Variants in HS3ST4 observed in about 807,000 individuals in gnomAD.
The protein encoded by HS3ST4 is heparan sulfate glucosamine 3-O-sulfotransferase 4.
In HS3ST4, 17 loss-of-function variants were observed where a neutral mutation model predicts 29.2. That is an observed-to-expected ratio of 0.58 (90% CI 0.40 to 0.87). HS3ST4 has a LOEUF of 0.87. Ranked by LOEUF, HS3ST4 falls within the 40% of genes least tolerant of loss-of-function variation. The pLI, the probability that HS3ST4 is intolerant of heterozygous loss-of-function variation, is 0.00. For synonymous variants in HS3ST4, 314 were observed against 285.7 expected, an observed-to-expected ratio of 1.10 and a Z score of -1.00; for missense variants, 627 against 634.5, an observed-to-expected ratio of 0.99 and a Z score of 0.13.
chr16:25,952,171 G>T (rs899645836), intron 1 of HS3ST4, among the ~76,000 whole-genome samples: 1 of 152,158 alleles, frequency 6.6e-6, no homozygotes. Context: ...GAGACAGCAT[G>T]AGTCATAAAG....
intron 1 of HS3ST4, among the ~76,000 whole-genome samples, chr16:25,761,759 G>A (rs1465703225): frequency 6.6e-6 from 1 of 152,178 alleles, no homozygotes; most frequent in Non-Finnish European, 1.5e-5. Context: ...TGCCCCACGG[G>A]CATAATAATC....
chr16:25,779,437 T>C (rs1197576068), intron 1 of HS3ST4, among the ~76,000 whole-genome samples: 3 of 152,256 alleles, frequency 2.0e-5, no homozygotes, highest in Non-Finnish European at 4.4e-5. Flanking sequence ...TTGAAGCCCA[T>C]ATTCTTTCCT....
rs138850629 is a variant in HS3ST4 at position 25,734,473 on chromosome 16, C to T, written c.734+41322C>T. 9.0e-3 allele frequency among the ~76,000 whole-genome samples: 1,370 copies of T among 152,260 alleles called. 7 individuals carry two copies. Among genetic ancestry groups the T allele is most frequent in the Non-Finnish European group, 0.016 (1,068 of 68,020 alleles). ...AGAGCTAGGACCAGCAATTAGTCCT[C>T]CTAACTCCCACCTCCAGGGTTGTCT... On this transcript the variant is annotated intron_variant, in intron 1 of 1. Coordinates refer to ENST00000331351, the MANE Select transcript of HS3ST4 (RefSeq NM_006040.3).
intron 1 of HS3ST4, among the ~76,000 whole-genome samples, chr16:25,844,671 A>G (rs1180811904): frequency 1.3e-5 from 2 of 152,204 alleles, no homozygotes; most frequent in African/African-American, 4.8e-5. Context: ...AGAACCAGAA[A>G]TACCATTTGA....
intron 1 of HS3ST4, among the ~76,000 whole-genome samples, chr16:25,874,735 G>A (rs571293266): frequency 6.6e-6 from 1 of 152,086 alleles, no homozygotes; most frequent in Non-Finnish European, 1.5e-5. Context: ...AATGTGGCTG[G>A]CATATAGTAG....
intron 1 of HS3ST4, among the ~76,000 whole-genome samples, chr16:26,122,266 T>A: frequency 6.6e-6 from 1 of 152,024 alleles, no homozygotes; most frequent in Non-Finnish European, 1.5e-5. Flanking sequence ...GTAGATTCAG[T>A]GATGATTCAA....
intron 1 of HS3ST4, among the ~76,000 whole-genome samples, chr16:25,991,815 A>T (rs1380731883): frequency 2.6e-5 from 4 of 152,096 alleles, no homozygotes. Context: ...AGGTCAGGAG[A>T]TCAAGACCAT....
intron 1 of HS3ST4, among the ~76,000 whole-genome samples, chr16:26,042,935 C>T (rs988236082): frequency 1.8e-4 from 28 of 152,096 alleles, no homozygotes; most frequent in Non-Finnish European, 3.5e-4. Context: ...CCCTTTTCCC[C>T]GGTAACCTAT....
intron 1 of HS3ST4, among the ~76,000 whole-genome samples, chr16:25,696,224 C>T (rs966888542): frequency 6.6e-6 from 1 of 152,178 alleles, no homozygotes; most frequent in African/African-American, 2.4e-5. Flanking sequence ...CCTCCATGCC[C>T]TCTTCCCTCT....
chr16:25,999,903 A>C (rs1437682503), intron 1 of HS3ST4, among the ~76,000 whole-genome samples: 1 of 135,082 alleles, frequency 7.4e-6, no homozygotes, highest in African/African-American at 2.7e-5. Context: ...TATTTTATAT[A>C]TATATATATA....
At chr16:25,827,993 C>G (rs1171623007) in intron 1 of HS3ST4, among the ~76,000 whole-genome samples, 4 of 151,420 alleles carry the variant, frequency 2.6e-5, no homozygotes, top group Non-Finnish European at 4.4e-5. Context: ...TTTTTTTTAA[C>G]TTCTATTTTA....
intron 1 of HS3ST4, among the ~76,000 whole-genome samples, chr16:26,048,048 T>C (rs956831635): frequency 6.6e-6 from 1 of 152,186 alleles, no homozygotes; most frequent in African/African-American, 2.4e-5. Context: ...TCGGCAGGGC[T>C]GGTATCTCCT....
chr16:25,724,489 G>A (rs552656095), intron 1 of HS3ST4, among the ~76,000 whole-genome samples: 9 of 151,440 alleles, frequency 5.9e-5, no homozygotes, highest in South Asian at 2.1e-4. Flanking sequence ...TCAGTCTCCC[G>A]AGTAGCTGGG....
chr16:25,969,359 C>T (rs140990041), intron 1 of HS3ST4, among the ~76,000 whole-genome samples: 235 of 152,276 alleles, frequency 1.5e-3, no homozygotes, highest in African/African-American at 5.5e-3. Context: ...TTTCTCAGAT[C>T]CTGGCCACGT....
intron 1 of HS3ST4, among the ~76,000 whole-genome samples, chr16:26,013,902 G>C (rs1969337679): frequency 6.6e-6 from 1 of 152,062 alleles, no homozygotes; most frequent in Non-Finnish European, 1.5e-5. Context: ...CAGCTACTCT[G>C]GTGGCCGAGG....
chr16:26,046,114 G>A (rs1366331811), intron 1 of HS3ST4, among the ~76,000 whole-genome samples: 7 of 145,870 alleles, frequency 4.8e-5, no homozygotes, highest in African/African-American at 7.5e-5. Flanking sequence ...AGTTTTGGCT[G>A]TGCTTATATT....
chr16:25,781,086 C>A (rs1966852156), intron 1 of HS3ST4, among the ~76,000 whole-genome samples: 1 of 152,154 alleles, frequency 6.6e-6, no homozygotes, highest in South Asian at 2.1e-4. Flanking sequence ...ACATACAGGG[C>A]AGCTTGTTGT....
intron 1 of HS3ST4, among the ~76,000 whole-genome samples, chr16:25,877,442 A>G (rs1331553964): frequency 6.6e-6 from 1 of 151,902 alleles, no homozygotes; most frequent in African/African-American, 2.4e-5. Context: ...TCTGTTAATC[A>G]CTCCCAGTTT....
chr16:25,765,707 C>A (rs8062193), intron 1 of HS3ST4, among the ~76,000 whole-genome samples: 99,715 of 152,036 alleles, frequency 0.66, 33,698 homozygotes, highest in African/African-American at 0.78. Context: ...TTAACTTAGT[C>A]GCATCACCTG....
Sources: gnomAD v4.1 joint callset for allele counts (sites outside exome capture counted in the v4.1 genomes callset) on GRCh38, gnomAD v4.1.1 for gene constraint, MANE v1.5 for transcripts, NCBI Gene and HGNC (gene_info 2026-07-23, HGNC 2026-07-21) for gene names.